The following FAM234A variants were observed in gnomAD, a reference collection of about 807,000 sequenced individuals.
FAM234A encodes family with sequence similarity 234 member A.
In FAM234A, 42 loss-of-function variants were observed where a neutral mutation model predicts 49.1. The observed-to-expected ratio is 0.86, with a 90% CI of 0.67 to 1.11. FAM234A has a LOEUF of 1.11. FAM234A is among the 50% of genes least tolerant of loss of function. The pLI is 0.00. For synonymous variants in FAM234A, 369 were observed against 316.2 expected, an observed-to-expected ratio of 1.17 and a Z score of -1.77; for missense variants, 815 against 745.2, an observed-to-expected ratio of 1.09 and a Z score of -1.09.
chr16:268,115 TACAC>T (rs1050841070), downstream of FAM234A, among the ~76,000 whole-genome samples: 8 of 140,248 alleles, frequency 5.7e-5, no homozygotes, highest in East Asian at 6.6e-4. Context: ...ACATGCCTCA[TACAC>T]ACGACACGTG....
downstream of FAM234A, among the ~76,000 whole-genome samples, chr16:268,063 TCACA>T (rs1249266360): frequency 7.1e-6 from 1 of 141,320 alleles, no homozygotes; most frequent in African/African-American, 2.7e-5. Context: ...CTACACACAA[TCACA>T]CATGCTATGC....
At position 261,505 on chromosome 16, in the gene FAM234A, G is replaced by T. The variant is rs1463257637; in HGVS notation, c.699G>T (p.Glu233Asp). 1 of 1,603,934 alleles carries T rather than the reference G, an allele frequency of 6.2e-7. No individual in the cohort carries two copies. The highest frequency in any genetic ancestry group is 1.3e-5 in the African/African-American group (1 of 74,762). ...CAGACCTGCTGGTTCTCACCCAGGA[G>T]CGGGAGGAGGTACATCCCAGCCTGG... ...GAPDLLVLTQ[E>D]REEVSGHLYS... The change falls in exon 6 of 13, where the codon GAG becomes GAT. Residue 233 changes from glutamate (E) to aspartate (D), a missense_variant. Glu to Asp is a conservative substitution (Grantham distance 45). Coordinates refer to ENST00000399932, the MANE Select transcript of FAM234A (RefSeq NM_032039.4).
At chr16:263,021 T>C (rs1234231884) in intron 8 of FAM234A, among the ~76,000 whole-genome samples, 2 of 152,204 alleles carry the variant, frequency 1.3e-5, no homozygotes, top group African/African-American at 2.4e-5. Flanking sequence ...GGTTTCTCCA[T>C]GTTGGTCAGA....
chr16:259,066 G>T (rs900486421), intron 3 of FAM234A, among the ~76,000 whole-genome samples: 2 of 152,118 alleles, frequency 1.3e-5, no homozygotes, highest in African/African-American at 4.8e-5. Flanking sequence ...CAGGCGTGAG[G>T]CACCTTGCCC....
intron 10 of FAM234A, 39 bp from the exon 11 acceptor site, chr16:263,976 GC>G (rs2051589262): frequency 6.3e-7 from 1 of 1,588,128 alleles, no homozygotes. Flanking sequence ...TTTCCCGGTA[GC>G]CCCCACGTTG....
chr16:269,437 C>G, downstream of FAM234A: 1 of 1,589,610 alleles, frequency 6.3e-7, no homozygotes, highest in Non-Finnish European at 8.6e-7. Flanking sequence ...TCCTGCCCAC[C>G]TCACTGCAGG....
At chr16:266,433 G>A (rs1276274098), downstream of FAM234A, among the ~76,000 whole-genome samples, 1 of 152,218 alleles carries the variant, frequency 6.6e-6, no homozygotes, top group East Asian at 1.9e-4. Context: ...CTGGAGTCCA[G>A]CGTGAAGGGA....
chr16:268,993 C>T (rs1055337088), downstream of FAM234A: 2 of 1,487,492 alleles, frequency 1.3e-6, no homozygotes, highest in Admixed American at 2.0e-5. Context: ...GCCTTGGTCT[C>T]ACCTCTCTTC....
chr16:235,436 C>A (rs553655455), intron 1 of FAM234A, among the ~76,000 whole-genome samples: 78 of 152,230 alleles, frequency 5.1e-4, no homozygotes, highest in Middle Eastern at 6.8e-3. Context: ...AAAACAGAGG[C>A]TAGATGGGAG....
At position 254,661 on chromosome 16, in the gene FAM234A, G is replaced by T; in HGVS notation, c.248G>T (p.Arg83Met). The T allele has an allele frequency of 6.2e-7, 1 of 1,613,962 alleles. No homozygotes were observed. Among genetic ancestry groups the T allele is most frequent in the East Asian group, 2.2e-5 (1 of 44,888 alleles). Reference sequence around the variant, plus strand: ...CGGCCGGCGTCACAGCGAATGTGGAGGATAGACTACAGTGCCGCTGGTGAG... The same window carrying T: ...CGGCCGGCGTCACAGCGAATGTGGATGATAGACTACAGTGCCGCTGGTGAG... ...PDRPASQRMW[R>M]IDYSAAVIYD... Residue 83 changes from arginine to methionine, a missense_variant, in exon 3 of 13, where the codon AGG (arginine) becomes ATG (methionine). Coordinates refer to ENST00000399932, the MANE Select transcript of FAM234A (RefSeq NM_032039.4).
At chr16:246,933 A>C (rs2050833573) in intron 1 of FAM234A, 1 of 150,568 alleles carries the variant, frequency 6.6e-6, no homozygotes, top group South Asian at 2.1e-4. Flanking sequence ...ATGCCACCAT[A>C]CTCATCTAAT....
At position 263,291 on chromosome 16, in the gene FAM234A, T is replaced by C. The variant is rs1225292270; in HGVS notation, c.1001T>C (p.Val334Ala). 6 of 1,612,982 alleles carry C rather than the reference T, an allele frequency of 3.7e-6. No homozygotes were observed. The highest frequency in any genetic ancestry group is 5.1e-6 in the Non-Finnish European group (6 of 1,179,996). The change falls in exon 9 of 13, where the codon GTC (valine) becomes GCC (alanine). Residue 334 changes from valine (V) to alanine (A), a missense_variant. Coordinates refer to ENST00000399932, the MANE Select transcript of FAM234A (RefSeq NM_032039.4). ...SSGAVRYLMH[V>A]PGNAGADVLL... ...GGAGCAGTGCGCTACCTGATGCATG[T>C]CCCAGGGAACGCCGGTGCAGATGTG...
At chr16:268,859 G>C (rs1276875568), downstream of FAM234A, 13 of 1,550,438 alleles carry the variant, frequency 8.4e-6, no homozygotes, top group Non-Finnish European at 1.1e-5. Flanking sequence ...TGTGACGGGT[G>C]TGTGGGAAGC....
In FAM234A at chr16:254,729, A is replaced by G. The variant is rs376148666; in HGVS notation, c.268+48A>G. On this transcript the variant is annotated intron_variant, in intron 3 of 12. Transcript: ENST00000399932. ...AGTGGGGTCCAAAGCAGCTCTTCCC[A>G]GGGGATGGGGCGGAGGGGGCAGAAC... is the stretch of plus-strand genomic sequence containing the variant. The G allele has an allele frequency of 3.0e-5, 48 of 1,596,946 alleles. No homozygotes were observed. In the African/African-American group the frequency reaches 4.3e-4, roughly 14 times the overall value.
rs769426614 is a variant in FAM234A, at chr16:260,178, C to T, written c.577+18C>T. Reference sequence around the variant, plus strand: ...GTTCACAGGTAGGCCAGCCAGGCAGCGGGGTTCTCACTGAGGGCCTCTCAC... The same window carrying T: ...GTTCACAGGTAGGCCAGCCAGGCAGTGGGGTTCTCACTGAGGGCCTCTCAC... On this transcript the variant is annotated intron_variant, in intron 5 of 12. Coordinates refer to ENST00000399932, the MANE Select transcript of FAM234A (RefSeq NM_032039.4). 6.2e-6 allele frequency: 10 copies of T among 1,610,840 alleles called. No homozygotes were observed. The Admixed American group carries it at 6.7e-5, about 11-fold the overall frequency.
At chr16:245,542 A>T (rs2050774803) in intron 1 of FAM234A, among the ~76,000 whole-genome samples, 1 of 152,070 alleles carries the variant, frequency 6.6e-6, no homozygotes, top group African/African-American at 2.4e-5. Flanking sequence ...AAACCCTAAG[A>T]ATATTTATCC....
chr16:239,041 C>G (rs902533358), intron 1 of FAM234A, among the ~76,000 whole-genome samples: 4 of 146,254 alleles, frequency 2.7e-5, no homozygotes, highest in Non-Finnish European at 4.5e-5. Context: ...GAGATCGCTC[C>G]GCTACACTCC....
chr16:262,308 C>G, intron 7 of FAM234A, 83 bp downstream of exon 7: 1 of 1,579,022 alleles, frequency 6.3e-7, no homozygotes. Flanking sequence ...TGCTTCTGCT[C>G]TCGAGGTGCT....
intron 3 of FAM234A, among the ~76,000 whole-genome samples, chr16:257,896 C>T (rs1235655562): frequency 4.6e-5 from 7 of 151,750 alleles, no homozygotes; most frequent in Admixed American, 2.6e-4. Context: ...CTCGCTCTGT[C>T]GCCCAGGCTG....
Sources: gnomAD v4.1 joint callset for allele counts (sites outside exome capture counted in the v4.1 genomes callset) on GRCh38, gnomAD v4.1.1 for gene constraint, MANE v1.5 for transcripts, NCBI Gene and HGNC (gene_info 2026-07-23, HGNC 2026-07-21) for gene names.